The following INTS11 variants were observed in gnomAD, a reference collection of about 807,000 sequenced individuals.
INTS11 encodes the protein integrator complex subunit 11, also known as CPSF3-like protein.
In INTS11, 77 loss-of-function variants were observed where a neutral mutation model predicts 78.6. The observed-to-expected ratio is 0.98, with a 90% CI of 0.81 to 1.18. The LOEUF (loss-of-function observed/expected upper bound fraction) is 1.18. INTS11 is among the 50% of genes most tolerant of loss of function. The pLI is 0.00. For synonymous variants in INTS11, 441 were observed against 326.9 expected, an observed-to-expected ratio of 1.35 and a Z score of -3.77; for missense variants, 875 against 825.9, an observed-to-expected ratio of 1.06 and a Z score of -0.73.
Position 1,314,202 on chromosome 1 carries a change from C to G in INTS11, c.767+99G>C. 1 of 1,181,318 alleles carries G rather than the reference C, an allele frequency of 8.5e-7. No individual in the cohort carries two copies. Among genetic ancestry groups the G allele is most frequent in the Non-Finnish European group, 1.2e-6 (1 of 811,254 alleles). The allele number at this position is 1,181,318 out of a possible 1,614,324, so 73.2% of individuals were successfully genotyped here. A position where few individuals can be genotyped will look rare whatever the true frequency, so the allele number is the denominator to read the frequency against. ...CCCCCCAGGACAGCAGCAAGCAGGG[C>G]CAAGATGCCACCGCTACGCTGGACA... On this transcript the variant is annotated intron_variant, in intron 8 of 16. Coordinates refer to ENST00000435064, the MANE Select transcript of INTS11 (RefSeq NM_017871.6). This position sits in a 1 kb window ranked among gnomAD's most constrained non-coding sequence, Gnocchi z 4.2.
rs1239619824 is a variant in INTS11 at position 1,314,117 on chromosome 1, G to A, written c.767+184C>T. 16 of 758,900 alleles carry A rather than the reference G, an allele frequency of 2.1e-5. No individual in the cohort carries two copies. Among genetic ancestry groups the A allele is most frequent in the African/African-American group, 5.3e-5 (3 of 57,030 alleles). The allele number at this position is 758,900 out of a possible 1,614,324, so 47.0% of individuals were successfully genotyped here. On this transcript the variant is annotated intron_variant, in intron 8 of 16. Coordinates refer to ENST00000435064, the MANE Select transcript of INTS11 (RefSeq NM_017871.6). The surrounding 1 kb of genome is among the most constrained non-coding windows in gnomAD (Gnocchi z 4.2). ...AGAACCAGGAACCCCTACAAGAGCC[G>A]CACACGGTGGCGCTGACGGGATGTC...
chr1:1,314,355 G>C lies in INTS11; in HGVS notation c.713C>G (p.Pro238Arg). ...TVERGGKVLI[P>R]VFALGRAQEL... Reference sequence around the variant, plus strand: ...CTGGGCGCGGCCCAGCGCGAACACAGGTATCAGCACCTGAGGGGGACACAA... The same window carrying C: ...CTGGGCGCGGCCCAGCGCGAACACACGTATCAGCACCTGAGGGGGACACAA... Residue 238 changes from proline (P) to arginine (R), a missense_variant, in exon 8 of 17, where the codon CCT (proline) becomes CGT (arginine). By Grantham distance (103) the Pro-to-Arg change is moderately radical. Transcript: ENST00000435064. The surrounding 1 kb of genome is among the most constrained non-coding windows in gnomAD (Gnocchi z 4.2). 6.2e-7 allele frequency: 1 copy of C among 1,607,284 alleles called. No homozygotes were observed. The highest frequency in any genetic ancestry group is 8.5e-7 in the Non-Finnish European group (1 of 1,177,542).
chr1:1,313,674 CG>C (rs1449980406), intron 9 of INTS11, 57 bp downstream of exon 9: 3 of 1,609,850 alleles, frequency 1.9e-6, no homozygotes, highest in Non-Finnish European at 2.5e-6. Context: ...CAGACACCTG[CG>C]GAAGACAGGA....
intron 4 of INTS11, among the ~76,000 whole-genome samples, chr1:1,315,918 G>A (rs1642577090): frequency 6.6e-6 from 1 of 152,140 alleles, no homozygotes; most frequent in African/African-American, 2.4e-5. Flanking sequence ...CAGTTCACAA[G>A]GGACGGGCAA....
At chr1:1,313,407 C>G in intron 10 of INTS11, 102 bp downstream of exon 10, 2 of 1,357,576 alleles carry the variant, frequency 1.5e-6, no homozygotes, top group Non-Finnish European at 2.1e-6. Flanking sequence ...CGTCCCTTGG[C>G]CAGCACGAGG....
At chr1:1,313,275 G>A (rs764131825) in intron 10 of INTS11, 151 bp from the exon 11 acceptor site, 26 of 986,954 alleles carry the variant, frequency 2.6e-5, no homozygotes, top group Non-Finnish European at 3.5e-5. Context: ...AAGGGCTCAG[G>A]TTTTGGCACA....
chr1:1,320,711 T>C lies in INTS11; in HGVS notation c.127-182A>G, dbSNP rs745939589. 3 of 742,436 alleles carry C rather than the reference T, an allele frequency of 4.0e-6. 1 individual carries two copies. In the East Asian group the frequency reaches 7.9e-5, roughly 20 times the overall value. The allele number at this position is 742,436 out of a possible 1,614,324, so 46.0% of individuals were successfully genotyped here. A position where few individuals can be genotyped will look rare whatever the true frequency, so the allele number is the denominator to read the frequency against. On this transcript the variant is annotated intron_variant, in intron 2 of 16. Coordinates refer to ENST00000435064, the MANE Select transcript of INTS11 (RefSeq NM_017871.6). ...CTCACAGCATCCGGAGGGGCCGAGG[T>C]TACCCCCAACCTCACTGACAGATGT...
intron 1 of INTS11, chr1:1,321,900 C>G (rs1359107834): frequency 2.0e-6 from 2 of 1,022,614 alleles, no homozygotes; most frequent in African/African-American, 1.7e-5. Context: ...CCCTTGAATC[C>G]CACCCACCTC....
Position 1,324,573 on chromosome 1 carries a change from C to G in INTS11, c.28+8G>C. The stretch of plus-strand genomic sequence containing the variant: ...CACCCCACAGCCCTCCCGGCGGCTC[C>G]CACTCACCCAAGGGCGTGACTCTGA... On this transcript the variant is annotated splice_region_variant and intron_variant, in intron 1 of 16. Transcript: ENST00000435064. 6.3e-7 allele frequency: 1 copy of G among 1,591,070 alleles called. No individual in the cohort carries two copies. The highest frequency in any genetic ancestry group is 8.5e-7 in the Non-Finnish European group (1 of 1,170,988).
chr1:1,314,854 T>C lies in INTS11; in HGVS notation c.672A>G (p.Lys224=). Residue 224 remains lysine (K), a synonymous_variant, in exon 7 of 17, where the codon AAA becomes AAG. Transcript: ENST00000435064. This position sits in a 1 kb window ranked among gnomAD's most constrained non-coding sequence, Gnocchi z 4.2. ...KRCRERDFLK[K]VHETVERGGK... ...CACCACGCTCCACGGTCTCGTGGAC[T>C]TTCTTCAGGAAGTCTCGCTCCCGGC... 3 of 1,612,704 alleles carry C rather than the reference T, an allele frequency of 1.9e-6. No homozygotes were observed. The highest frequency in any genetic ancestry group is 2.5e-6 in the Non-Finnish European group (3 of 1,179,776).
chr1:1,319,650 AGAG>A (rs1348534880), intron 3 of INTS11, 126 bp from the exon 4 acceptor site: 4 of 640,368 alleles, frequency 6.2e-6, no homozygotes, highest in Non-Finnish European at 8.0e-6. Flanking sequence ...CGAGTACCGA[AGAG>A]TCAGTAATGA....
chr1:1,313,243 C>G (rs1351149231), intron 10 of INTS11, 119 bp from the exon 11 acceptor site: 12 of 1,188,024 alleles, frequency 1.0e-5, no homozygotes. Context: ...CGGCGCCCGA[C>G]CAAGCCTAGC....
intron 1 of INTS11, chr1:1,321,944 C>T: frequency 7.2e-7 from 1 of 1,387,896 alleles, no homozygotes; most frequent in Middle Eastern, 1.9e-4. Flanking sequence ...CCAAAGCCAG[C>T]ACCACACATC....
At position 1,312,827 on chromosome 1, in the gene INTS11, C is replaced by T. The variant is rs1156290068; in HGVS notation, c.1254G>A (p.Lys418=). 10 of 1,611,532 alleles carry T rather than the reference C, an allele frequency of 6.2e-6. No homozygotes were observed. The highest frequency in any genetic ancestry group is 1.7e-5 in the Admixed American group (1 of 60,018). Reference sequence around the variant, plus strand: ...TCTTCTGCTTCAGGAACTCCATCTTCTTGGCCTCGCCATGCACCAGCAGCA... The same window carrying T: ...TCTTCTGCTTCAGGAACTCCATCTTTTTGGCCTCGCCATGCACCAGCAGCA... The part of the protein sequence containing the change: ...ESVLLVHGEA[K]KMEFLKQKIE... Residue 418 remains lysine, a synonymous_variant, in exon 12 of 17, where the codon AAG becomes AAA. Transcript: ENST00000435064.
chr1:1,312,414 C>T lies in INTS11; in HGVS notation c.1464+26G>A, dbSNP rs372373807. 15 of 1,564,718 alleles carry T rather than the reference C, an allele frequency of 9.6e-6. 1 individual carries two copies. In the South Asian group the frequency reaches 1.4e-4, roughly 15 times the overall value. ...AGTGAGCGCAGCAGCGGCCCTCCCCCCTCCAGAGACCGTCCTGGCACTCAC... is the reference window on the plus strand; with the variant it reads ...AGTGAGCGCAGCAGCGGCCCTCCCCTCTCCAGAGACCGTCCTGGCACTCAC... On this transcript the variant is annotated intron_variant, in intron 14 of 16. Coordinates refer to ENST00000435064, the MANE Select transcript of INTS11 (RefSeq NM_017871.6).
chr1:1,319,596 G>C, intron 3 of INTS11, 72 bp from the exon 4 acceptor site: 1 of 1,083,710 alleles, frequency 9.2e-7, no homozygotes, highest in Non-Finnish European at 1.3e-6. Flanking sequence ...GGGCTTGTGG[G>C]TCACTGGCCC....
At chr1:1,321,724 A>T (rs1288665435) in intron 1 of INTS11, among the ~76,000 whole-genome samples, 4 of 152,120 alleles carry the variant, frequency 2.6e-5, no homozygotes, top group African/African-American at 9.7e-5. Flanking sequence ...CAGCCCTCCC[A>T]CACTCCTGAC....
At position 1,320,529 on chromosome 1, in the gene INTS11, G is replaced by A. The variant is rs773383662; in HGVS notation, c.127C>T (p.Arg43Ter). The A allele has an allele frequency of 1.3e-5, 21 of 1,613,708 alleles. No individual in the cohort carries two copies. Among genetic ancestry groups the A allele is most frequent in the Middle Eastern group, 1.6e-4 (1 of 6,078 alleles). Residue 43 changes from arginine (R) to a stop codon, truncating the protein, a stop_gained and splice_region_variant, in exon 3 of 17, where the codon CGA (arginine) becomes TGA (stop). Transcript: ENST00000435064. LOFTEE classifies it high-confidence loss of function. ...CGMHMGFNDD[R>*]RFPDFSYITQ... ...ATGTAGGAGAAGTCAGGGAAGCGTC[G>A]CTAGGAAGGATGTGGGGGTTTCAGG...
rs146520212 is a variant in INTS11 at position 1,313,735 on chromosome 1, C to T, written c.954G>A (p.Pro318=). The part of the protein sequence containing the change: ...FDRAFADNPG[P]MVVFATPGML... ...CCGGCCCTGCCGCGGGCCTCACCAT[C>T]GGTCCTGGGTTGTCAGCAAAAGCCC... Residue 318 remains proline, a synonymous_variant, in exon 9 of 17, where the codon CCG becomes CCA. Coordinates refer to ENST00000435064, the MANE Select transcript of INTS11 (RefSeq NM_017871.6). 2.0e-5 allele frequency: 33 copies of T among 1,611,494 alleles called. No homozygotes were observed. Among genetic ancestry groups the T allele is most frequent in the African/African-American group, 6.7e-5 (5 of 74,928 alleles).
Sources: allele counts gnomAD v4.1 joint callset (sites outside exome capture counted in the v4.1 genomes callset), GRCh38; gene constraint gnomAD v4.1.1; non-coding constraint Gnocchi (gnomAD v3.1); transcripts MANE v1.5; gene names NCBI Gene and HGNC (gene_info 2026-07-23, HGNC 2026-07-21).